PHF20L1: variants seen among roughly 807,000 people sequenced by gnomAD.
The protein encoded by PHF20L1 is PHD finger protein 20 like 1.
A neutral mutation model predicts 125.5 loss-of-function variants in PHF20L1; 44 were observed. The ratio of observed to expected loss-of-function variants is 0.35; its 90% confidence interval spans 0.28 to 0.45. The LOEUF (loss-of-function observed/expected upper bound fraction) is 0.45, where lower values mean the gene tolerates loss of function less well. Ranked by LOEUF, PHF20L1 falls within the 20% of genes least tolerant of loss-of-function variation. The pLI is 1.00. For synonymous variants in PHF20L1, 380 were observed against 403.1 expected (o/e 0.94, Z 0.69); for missense variants, 1,012 against 1,217.2 (o/e 0.83, Z 2.51).
intron 9 of PHF20L1, among the ~76,000 whole-genome samples, chr8:132,813,781 C>T (rs1834649777): frequency 6.6e-6 from 1 of 151,884 alleles, no homozygotes; most frequent in Admixed American, 6.6e-5. Context: ...GAAAAATGGA[C>T]ACATTCACAC....
At chr8:132,799,340 CTG>C in intron 6 of PHF20L1, 168 bp downstream of exon 6, 1 of 497,376 alleles carries the variant, frequency 2.0e-6, no homozygotes, top group Non-Finnish European at 3.6e-6. Flanking sequence ...ACCTGACACT[CTG>C]TAGGCTGTTT....
In PHF20L1 at chr8:132,844,215, A is replaced by C; in HGVS notation, c.2808A>C (p.Pro936=). ...VYNDKKGTED[P]GDSHLQWQLN... ...ATGATAAAAAGGGCACCGAAGACCC[A>C]GGAGACTCACATCTTCAGTGGCAGC... The change falls in exon 20 of 21, where the codon CCA becomes CCC. Residue 936 remains proline (P), a synonymous_variant. Transcript: ENST00000395386. 3 of 1,613,062 alleles carry C rather than the reference A, an allele frequency of 1.9e-6. No homozygotes were observed. The highest frequency in any genetic ancestry group is 2.5e-6 in the Non-Finnish European group (3 of 1,179,236).
chr8:132,842,669 T>C lies in PHF20L1; in HGVS notation c.2542T>C (p.Leu848=), dbSNP rs780870580. The C allele has an allele frequency of 1.8e-5, 29 of 1,613,282 alleles. No individual in the cohort carries two copies. Among genetic ancestry groups the C allele is most frequent in the Non-Finnish European group, 2.5e-5 (29 of 1,179,604 alleles). Residue 848 remains leucine (L), a synonymous_variant, in exon 19 of 21, where the codon TTG becomes CTG. Coordinates refer to ENST00000395386, the MANE Select transcript of PHF20L1 (RefSeq NM_016018.5). ...YVQNHKEPPR[L]PLKMEGTYIT... is the part of the protein sequence containing the mutation. ...ACAGAACCATAAAGAACCACCTCGT[T>C]TGCCCCTAAAAATGGAAGGAACTTA...
Position 132,836,659 on chromosome 8 carries a change from G to T in PHF20L1, c.2029G>T (p.Ala677Ser). 3 of 1,613,184 alleles carry T rather than the reference G, an allele frequency of 1.9e-6. No individual in the cohort carries two copies. The highest frequency in any genetic ancestry group is 1.1e-5 in the South Asian group (1 of 91,048). Residue 677 changes from alanine to serine, a missense_variant, in exon 16 of 21, where the codon GCT becomes TCT. Coordinates refer to ENST00000395386, the MANE Select transcript of PHF20L1 (RefSeq NM_016018.5). ...NFEESQDEDD[A>S]LNEIVRCICE... ...TGAGGAATCTCAGGATGAGGATGAT[G>T]CTCTTAATGAAATTGTGCGATGTAT...
intron 8 of PHF20L1, 82 bp from the exon 9 acceptor site, chr8:132,810,964 A>G: frequency 3.6e-6 from 3 of 833,004 alleles, no homozygotes; most frequent in Admixed American, 1.8e-5. Flanking sequence ...GGAAATTTCA[A>G]CTGCTAAGAT....
intron 2 of PHF20L1, among the ~76,000 whole-genome samples, chr8:132,782,623 C>T (rs906876610): frequency 9.2e-5 from 14 of 151,916 alleles, no homozygotes; most frequent in African/African-American, 3.4e-4. Flanking sequence ...TACTGTCACC[C>T]AGGCTGCAGT....
chr8:132,809,920 A>G (rs1834178253), intron 8 of PHF20L1: 1 of 152,192 alleles, frequency 6.6e-6, no homozygotes. Flanking sequence ...ACTAGACTTC[A>G]TCGAAGGTTA....
At chr8:132,808,020 A>T (rs1366332867) in intron 8 of PHF20L1, 2 of 181,656 alleles carry the variant, frequency 1.1e-5, no homozygotes, top group African/African-American at 4.8e-5. Context: ...GCAGGTCAAG[A>T]TAACAGATTT....
intron 14 of PHF20L1, among the ~76,000 whole-genome samples, chr8:132,829,726 T>C (rs1480587608): frequency 6.6e-6 from 1 of 152,056 alleles, no homozygotes; most frequent in African/African-American, 2.4e-5. Flanking sequence ...TTGTTAAGAG[T>C]GTAGCTTCCA....
chr8:132,804,442 T>A (rs1586927929), intron 7 of PHF20L1, 173 bp from the exon 8 acceptor site: 1 of 468,110 alleles, frequency 2.1e-6, no homozygotes, highest in Admixed American at 3.9e-5. Flanking sequence ...TTTAGTAGTC[T>A]TTTATTTCTA....
At position 132,804,754 on chromosome 8, in the gene PHF20L1, A is replaced by T. The variant is rs762662662; in HGVS notation, c.847+14A>T. ...ACAAGATTACTGGTAAACTACAATG[A>T]TTTTTTTTTTGAGGGGGGGAAATGG... On this transcript the variant is annotated intron_variant, in intron 8 of 20. Coordinates refer to ENST00000395386, the MANE Select transcript of PHF20L1 (RefSeq NM_016018.5). The T allele has an allele frequency of 7.2e-7, 1 of 1,382,108 alleles. No individual in the cohort carries two copies. Among genetic ancestry groups the T allele is most frequent in the Non-Finnish European group, 9.8e-7 (1 of 1,021,048 alleles). 85.6% of individuals were successfully genotyped at this position (1,382,108 alleles called of 1,614,324 possible). A position where few individuals can be genotyped will look rare whatever the true frequency, so the allele number is the denominator to read the frequency against.
In PHF20L1 at chr8:132,842,656, AG is replaced by A; in HGVS notation, c.2530del (p.Glu844AsnfsTer7). The stretch of plus-strand genomic sequence containing the variant: ...AAAAGAAATATGTACAGAACCATAA[AG>A]AACCACCTCGTTTGCCCCTAAAAAT... ...EEKKYVQNHKEPPRLPLKMEG... is the reference protein window; with the variant it reads ...EEKKYVQNHKXPPRLPLKMEG... On this transcript the variant is annotated frameshift_variant, in exon 19 of 21. Coordinates refer to ENST00000395386, the MANE Select transcript of PHF20L1 (RefSeq NM_016018.5). LOFTEE classifies it high-confidence loss of function. The A allele has an allele frequency of 6.2e-7, 1 of 1,613,288 alleles. No individual in the cohort carries two copies. The highest frequency in any genetic ancestry group is 8.5e-7 in the Non-Finnish European group (1 of 1,179,598).
chr8:132,793,088 G>C (rs1400754269), intron 2 of PHF20L1, among the ~76,000 whole-genome samples: 1 of 151,124 alleles, frequency 6.6e-6, no homozygotes, highest in Non-Finnish European at 1.5e-5. Flanking sequence ...GATGAGTGCT[G>C]TCAGAGCAGC....
intron 18 of PHF20L1, among the ~76,000 whole-genome samples, chr8:132,841,183 CTGTT>C (rs892716265): frequency 1.3e-5 from 2 of 151,948 alleles, no homozygotes; most frequent in African/African-American, 4.8e-5. Context: ...ATCATAATAT[CTGTT>C]AGTATGTACG....
intron 18 of PHF20L1, chr8:132,841,838 C>A (rs1837964261): frequency 1.3e-5 from 2 of 152,092 alleles, no homozygotes; most frequent in Admixed American, 6.6e-5. Flanking sequence ...AAGACACACA[C>A]AGGTACACAA....
At chr8:132,838,892 A>G (rs1442608386) in intron 17 of PHF20L1, among the ~76,000 whole-genome samples, 2 of 152,146 alleles carry the variant, frequency 1.3e-5, no homozygotes, top group African/African-American at 4.8e-5. Flanking sequence ...CACAGGCAAT[A>G]AACACCTGGT....
intron 6 of PHF20L1, among the ~76,000 whole-genome samples, chr8:132,801,389 C>T (rs934137709): frequency 2.0e-5 from 3 of 151,654 alleles, no homozygotes; most frequent in African/African-American, 7.3e-5. Flanking sequence ...TTAGAGAATC[C>T]AGTGACTTAA....
chr8:132,799,112 A>G lies in PHF20L1; in HGVS notation c.447A>G (p.Pro149=), dbSNP rs753123763. 2 of 1,610,118 alleles carry G rather than the reference A, an allele frequency of 1.2e-6. No individual in the cohort carries two copies. The highest frequency in any genetic ancestry group is 1.7e-5 in the Admixed American group (1 of 59,750). Residue 149 remains proline, a synonymous_variant, in exon 6 of 21, where the codon CCA becomes CCG. Coordinates refer to ENST00000395386, the MANE Select transcript of PHF20L1 (RefSeq NM_016018.5). ...TGTTCCAGGTGAAATCCCAGCATCCACTAAGCTGGTGTTGTCCTATCGACC... is the reference window on the plus strand; with the variant it reads ...TGTTCCAGGTGAAATCCCAGCATCCGCTAAGCTGGTGTTGTCCTATCGACC... ...DAKGQVKSQH[P]LSWCCPIDPA...
chr8:132,791,351 T>C (rs2131415319), intron 2 of PHF20L1, among the ~76,000 whole-genome samples: 1 of 151,122 alleles, frequency 6.6e-6, no homozygotes, highest in Non-Finnish European at 1.5e-5. Context: ...CCTCCCGGGT[T>C]CAAGCGATTC....
Sources: gnomAD v4.1 joint callset for allele counts (sites outside exome capture counted in the v4.1 genomes callset) on GRCh38, gnomAD v4.1.1 for gene constraint, MANE v1.5 for transcripts, NCBI Gene and HGNC (gene_info 2026-07-23, HGNC 2026-07-21) for gene names.